Variants in AXDND1 observed in about 807,000 individuals in gnomAD.
The protein encoded by AXDND1 is axonemal dynein light chain domain-containing protein 1.
In AXDND1, 110 loss-of-function variants were observed where a neutral mutation model predicts 137.5. The observed-to-expected ratio is 0.80, with a 90% CI of 0.69 to 0.94. The LOEUF (loss-of-function observed/expected upper bound fraction) is 0.94. Among genes scored for constraint, AXDND1 ranks in the 40% least tolerant of loss-of-function variants. The probability of loss-of-function intolerance (pLI) is 0.00; values close to 1 mark genes in which losing one functional copy is unlikely to be tolerated. For synonymous variants in AXDND1, 414 were observed against 399.7 expected, an observed-to-expected ratio of 1.04 and a Z score of -0.43; for missense variants, 1,191 against 1,169.8, an observed-to-expected ratio of 1.02 and a Z score of -0.26.
intron 12 of AXDND1, among the ~76,000 whole-genome samples, chr1:179,422,929 A>G (rs1024147115): frequency 2.6e-5 from 4 of 151,926 alleles, no homozygotes; most frequent in African/African-American, 9.7e-5. Context: ...ATGCCTGGCT[A>G]ATTTTTGTAT....
At chr1:179,474,017 C>A (rs12750991) in intron 17 of AXDND1, among the ~76,000 whole-genome samples, 69,314 of 151,726 alleles carry the variant, frequency 0.46, 16,705 homozygotes, top group East Asian at 0.76. Context: ...TGAGGTCAGG[C>A]GTTTGACACC....
At chr1:179,522,140 A>G (rs1000680656) in intron 21 of AXDND1, among the ~76,000 whole-genome samples, 5 of 152,096 alleles carry the variant, frequency 3.3e-5, no homozygotes, top group East Asian at 1.9e-4. Flanking sequence ...GTGTGTTGGA[A>G]TCAATCCCCC....
intron 17 of AXDND1, among the ~76,000 whole-genome samples, chr1:179,481,238 G>T (rs1409346133): frequency 6.6e-6 from 1 of 152,000 alleles, no homozygotes; most frequent in South Asian, 2.1e-4. Flanking sequence ...GCGATGTTTG[G>T]TTTTTTGTCC....
intron 18 of AXDND1, among the ~76,000 whole-genome samples, chr1:179,491,248 G>A (rs567384627): frequency 6.6e-6 from 1 of 152,234 alleles, no homozygotes; most frequent in South Asian, 2.1e-4. Context: ...GGAGGTCAAG[G>A]TTGCAGTGAG....
At position 179,383,512 on chromosome 1, in the gene AXDND1, G is replaced by A. The variant is rs760275116; in HGVS notation, c.709G>A (p.Val237Met). 11 of 1,613,990 alleles carry A rather than the reference G, an allele frequency of 6.8e-6. No homozygotes were observed. Among genetic ancestry groups the A allele is most frequent in the Middle Eastern group, 1.6e-4 (1 of 6,062 alleles). Residue 237 changes from valine (V) to methionine (M), a missense_variant, in exon 8 of 26, where the codon GTG becomes ATG. By Grantham distance (21) the Val-to-Met change is conservative. Coordinates refer to ENST00000367618, the MANE Select transcript of AXDND1 (RefSeq NM_144696.6). ...VMDTMLERAGVENQEYTGPTK... is the reference protein window; with the variant it reads ...VMDTMLERAGMENQEYTGPTK... ...GGATACTATGCTAGAGAGGGCTGGTGTGGAAAATCAGGAATATACAGGACC... is the reference window on the plus strand; with the variant it reads ...GGATACTATGCTAGAGAGGGCTGGTATGGAAAATCAGGAATATACAGGACC...
chr1:179,384,912 T>G (rs1220912068), intron 8 of AXDND1, among the ~76,000 whole-genome samples: 1 of 152,002 alleles, frequency 6.6e-6, no homozygotes, highest in Non-Finnish European at 1.5e-5. Context: ...TACAGGCGTG[T>G]GCCACCATGG....
intron 18 of AXDND1, among the ~76,000 whole-genome samples, chr1:179,485,243 C>T (rs1057128600): frequency 1.3e-5 from 2 of 152,192 alleles, no homozygotes; most frequent in African/African-American, 4.8e-5. Context: ...GCACGGATCC[C>T]ACTGTCACCA....
At chr1:179,417,380 G>A (rs1243282076) in intron 12 of AXDND1, among the ~76,000 whole-genome samples, 1 of 151,886 alleles carries the variant, frequency 6.6e-6, no homozygotes, top group African/African-American at 2.4e-5. Flanking sequence ...TTTTTGCTTT[G>A]GTTGCCTGTG....
rs140838708 is a variant in AXDND1 at position 179,492,161 on chromosome 1, C to T, written c.2291+424C>T. On this transcript the variant is annotated intron_variant, in intron 19 of 25. Coordinates refer to ENST00000367618, the MANE Select transcript of AXDND1 (RefSeq NM_144696.6). ...TGATCTCGGCTCACTGCAGCCTCCA[C>T]CTCCCAGGCTCAAGAGATTCTTGTG... 2.3e-3 allele frequency among the ~76,000 whole-genome samples: 349 copies of T among 152,238 alleles called. 1 individual carries two copies. The highest frequency in any genetic ancestry group is 8.1e-3 in the African/African-American group (335 of 41,534).
chr1:179,400,596 GAAATAAA>G lies in AXDND1; in HGVS notation c.1109+5398_1109+5404del, dbSNP rs112510727. ...AAAATAAAATTTAAAAATTAGGGAA[GAAATAAA>G]AAAAAAAAAAGAGAAGATGGCCAGG... On this transcript the variant is annotated intron_variant, in intron 11 of 25. Coordinates refer to ENST00000367618, the MANE Select transcript of AXDND1 (RefSeq NM_144696.6). 7.7e-3 allele frequency among the ~76,000 whole-genome samples: 592 copies of G among 77,218 alleles called. 2 individuals carry two copies. The highest frequency in any genetic ancestry group is 0.025 in the African/African-American group (555 of 21,976). 50.7% of individuals were successfully genotyped at this position (77,218 alleles called of 152,430 possible).
At chr1:179,376,675 T>C (rs1429132968) in intron 4 of AXDND1, among the ~76,000 whole-genome samples, 1 of 152,212 alleles carries the variant, frequency 6.6e-6, no homozygotes, top group Non-Finnish European at 1.5e-5. Flanking sequence ...TTATTAGTTA[T>C]TCCAGTAACA....
At chr1:179,472,844 T>C (rs1027327466) in intron 17 of AXDND1, among the ~76,000 whole-genome samples, 5 of 152,198 alleles carry the variant, frequency 3.3e-5, no homozygotes, top group Admixed American at 1.3e-4. Context: ...GTTACATATC[T>C]TTTCCTTTTA....
At chr1:179,391,947 G>T (rs538470278) in intron 9 of AXDND1, among the ~76,000 whole-genome samples, 2 of 152,250 alleles carry the variant, frequency 1.3e-5, no homozygotes, top group African/African-American at 4.8e-5. Context: ...TGCCATGATT[G>T]TAAGTTTCCT....
intron 15 of AXDND1, 89 bp from the exon 16 acceptor site, chr1:179,444,881 G>A: frequency 1.2e-6 from 1 of 803,904 alleles, no homozygotes. Flanking sequence ...CAAAATAATT[G>A]GGAGTCACTG....
chr1:179,455,881 T>C (rs2125417125), intron 16 of AXDND1: 1 of 195,190 alleles, frequency 5.1e-6, no homozygotes, highest in South Asian at 9.3e-5. Context: ...TGTTTTGTTT[T>C]GTTTTGTTTT....
chr1:179,530,761 G>A (rs1670970000), intron 23 of AXDND1, among the ~76,000 whole-genome samples: 1 of 152,162 alleles, frequency 6.6e-6, no homozygotes, highest in Non-Finnish European at 1.5e-5. Context: ...AATGCCATCT[G>A]GATGTACAAT....
chr1:179,526,277 C>T (rs1214310368), intron 22 of AXDND1, among the ~76,000 whole-genome samples: 1 of 151,914 alleles, frequency 6.6e-6, no homozygotes, highest in Admixed American at 6.6e-5. Context: ...AATAATAATA[C>T]GATGATTACC....
intron 9 of AXDND1, among the ~76,000 whole-genome samples, chr1:179,386,115 G>A (rs12723027): frequency 0.3 from 42,568 of 143,884 alleles, 6,444 homozygotes; most frequent in Non-Finnish European, 0.31. Context: ...GCAATGGCGC[G>A]ATCTCGGCTC....
intron 11 of AXDND1, among the ~76,000 whole-genome samples, chr1:179,397,739 T>C (rs1651297088): frequency 1.3e-5 from 2 of 152,248 alleles, no homozygotes; most frequent in Admixed American, 1.3e-4. Flanking sequence ...AAAACCAGTC[T>C]TCAAGTTCTG....
Sources: gnomAD v4.1 joint callset for allele counts (sites outside exome capture counted in the v4.1 genomes callset) on GRCh38, gnomAD v4.1.1 for gene constraint, MANE v1.5 for transcripts, NCBI Gene and HGNC (gene_info 2026-07-23, HGNC 2026-07-21) for gene names.